TXNRD2: variants seen among roughly 807,000 people sequenced by gnomAD.
TXNRD2 encodes thioredoxin reductase 2.
Under a neutral mutation model 70.8 loss-of-function variants are expected in TXNRD2, and 67 were observed. That is an observed-to-expected ratio of 0.95 (90% CI 0.78 to 1.16). TXNRD2 has a LOEUF of 1.16. Among genes scored for constraint, TXNRD2 ranks in the 50% most tolerant of loss-of-function variants. TXNRD2 has a pLI of 0.00. For synonymous variants in TXNRD2, 301 were observed against 295.8 expected (o/e 1.02, Z -0.18); for missense variants, 644 against 719.9 (o/e 0.89, Z 1.21).
At position 19,934,264 on chromosome 22, in the gene TXNRD2, C is replaced by T. The variant is rs182570414; in HGVS notation, c.104-3166G>A. ...AGGAGAAACTGCAGGGCCCACAGTCCCAGCTACTAGGGAGGCTGAGGCTGG... is the reference window on the plus strand; with the variant it reads ...AGGAGAAACTGCAGGGCCCACAGTCTCAGCTACTAGGGAGGCTGAGGCTGG... On this transcript the variant is annotated intron_variant, in intron 1 of 17. Transcript: ENST00000400521. Among the ~76,000 whole-genome samples the T allele has an allele frequency of 2.4e-4, 36 of 152,158 alleles. 1 individual carries two copies. Among genetic ancestry groups the T allele is most frequent in the African/African-American group, 8.7e-4 (36 of 41,518 alleles).
At chr22:19,908,066 C>T (rs530560455) in intron 8 of TXNRD2, among the ~76,000 whole-genome samples, 35 of 111,968 alleles carry the variant, frequency 3.1e-4, no homozygotes, top group African/African-American at 1.2e-3. Context: ...AGTGACCGCT[C>T]TCAGGAGAGT....
intron 2 of TXNRD2, among the ~76,000 whole-genome samples, chr22:19,925,199 G>A (rs1429004937): frequency 6.6e-6 from 1 of 151,824 alleles, no homozygotes; most frequent in Non-Finnish European, 1.5e-5. Context: ...CAGGAGAATG[G>A]CGCAAACCCG....
intron 1 of TXNRD2, among the ~76,000 whole-genome samples, chr22:19,940,136 T>C (rs5992497): frequency 0.013 from 1,982 of 148,332 alleles, 45 homozygotes; most frequent in African/African-American, 0.046. Context: ...TCCCAGCTAC[T>C]CGGGAGGCTG....
At chr22:19,910,601 C>A (rs1041514695) in intron 8 of TXNRD2, among the ~76,000 whole-genome samples, 3 of 152,188 alleles carry the variant, frequency 2.0e-5, no homozygotes, top group Admixed American at 2.0e-4. Context: ...TGCAGAGGGG[C>A]ACAAGTCACA....
At chr22:19,901,062 C>A (rs1464208893) in intron 8 of TXNRD2, among the ~76,000 whole-genome samples, 1 of 152,244 alleles carries the variant, frequency 6.6e-6, no homozygotes, top group East Asian at 1.9e-4. Flanking sequence ...GGGGGCCAGG[C>A]TGCTCTCCGG....
intron 7 of TXNRD2, 38 bp from the exon 8 acceptor site, chr22:19,911,485 A>C: frequency 1.3e-6 from 2 of 1,545,322 alleles, no homozygotes; most frequent in Non-Finnish European, 1.8e-6. Flanking sequence ...CAAGAGCTCC[A>C]TTTGGCCTGT....
chr22:19,937,922 ATGT>A (rs958637889), intron 1 of TXNRD2: 1 of 152,214 alleles, frequency 6.6e-6, no homozygotes, highest in Non-Finnish European at 1.5e-5. Context: ...ACTCAGACCA[ATGT>A]TGTGTTTTTG....
intron 11 of TXNRD2, among the ~76,000 whole-genome samples, chr22:19,892,365 G>A (rs536586078): frequency 1.0e-4 from 16 of 152,386 alleles, no homozygotes; most frequent in Middle Eastern, 6.8e-3. Flanking sequence ...CCCAGCAGGC[G>A]CGCAGAAGCC....
intron 14 of TXNRD2, among the ~76,000 whole-genome samples, chr22:19,879,422 C>T (rs79682614): frequency 0.08 from 12,208 of 152,162 alleles, 1,378 homozygotes; most frequent in African/African-American, 0.25. Context: ...CAGGCCACCC[C>T]GGAGCCACAG....
chr22:19,901,309 C>A (rs1331796813), intron 8 of TXNRD2, among the ~76,000 whole-genome samples: 1 of 152,212 alleles, frequency 6.6e-6, no homozygotes, highest in Admixed American at 6.5e-5. Flanking sequence ...CAAGGGCCAC[C>A]TTCAAAGTCA....
chr22:19,901,125 C>A (rs1004073137), intron 8 of TXNRD2, among the ~76,000 whole-genome samples: 1 of 152,230 alleles, frequency 6.6e-6, no homozygotes, highest in Non-Finnish European at 1.5e-5. Context: ...GATTTTGCCA[C>A]AAATGTTTGC....
intron 11 of TXNRD2, among the ~76,000 whole-genome samples, chr22:19,885,758 C>T (rs984103990): frequency 1.8e-4 from 28 of 152,236 alleles, no homozygotes; most frequent in South Asian, 6.2e-4. Flanking sequence ...CTCCTCTGCA[C>T]GCTTGCCTGG....
chr22:19,908,051 GTA>G (rs1940149007), intron 8 of TXNRD2, among the ~76,000 whole-genome samples: 1 of 119,656 alleles, frequency 8.4e-6, no homozygotes, highest in Non-Finnish European at 1.8e-5. Flanking sequence ...GGCGCCGTGG[GTA>G]GCAGTGACCG....
intron 16 of TXNRD2, 124 bp from the exon 17 acceptor site, chr22:19,877,358 G>T: frequency 1.2e-6 from 1 of 866,238 alleles, no homozygotes; most frequent in Non-Finnish European, 1.8e-6. Flanking sequence ...CTGACCCCCA[G>T]CCAGCAGCCA....
chr22:19,911,097 C>A (rs1017897018), intron 8 of TXNRD2: 30 of 460,650 alleles, frequency 6.5e-5, no homozygotes, highest in East Asian at 1.3e-4. Context: ...AAAAAAAAAA[C>A]CAAAACAGAT....
At chr22:19,920,020 C>T (rs1283016538) in intron 2 of TXNRD2, among the ~76,000 whole-genome samples, 4 of 152,158 alleles carry the variant, frequency 2.6e-5, no homozygotes, top group Admixed American at 6.5e-5. Context: ...AGCCACTCAC[C>T]GGGAATGGCT....
chr22:19,903,658 T>C (rs1939878652), intron 8 of TXNRD2, among the ~76,000 whole-genome samples: 1 of 152,146 alleles, frequency 6.6e-6, no homozygotes, highest in Admixed American at 6.5e-5. Flanking sequence ...CCCCCTTAAT[T>C]GCCAGGCCCC....
chr22:19,894,248 T>A (rs1047431355), intron 11 of TXNRD2: 1 of 152,026 alleles, frequency 6.6e-6, no homozygotes, highest in Non-Finnish European at 1.5e-5. Flanking sequence ...GAAGGGTGAG[T>A]GCCCGGGCAG....
At chr22:19,932,317 CCCTGGAATT>C in intron 1 of TXNRD2, 3 of 1,612,444 alleles carry the variant, frequency 1.9e-6, no homozygotes, top group Non-Finnish European at 1.7e-6. Context: ...CAGGTTTCAT[CCCTGGAATT>C]CCTTTTGGGC....
Sources: allele counts gnomAD v4.1 joint callset (sites outside exome capture counted in the v4.1 genomes callset), GRCh38; gene constraint gnomAD v4.1.1; transcripts MANE v1.5; gene names NCBI Gene and HGNC (gene_info 2026-07-23, HGNC 2026-07-21).